Variants in CCDC12 observed in about 807,000 individuals in gnomAD.
CCDC12 encodes coiled-coil domain containing 12, also known as coiled-coil domain-containing protein 12.
CCDC12 carries 28 observed loss-of-function variants against 25.7 expected under a neutral mutation model. The observed-to-expected ratio is 1.09, with a 90% CI of 0.81 to 1.50. The LOEUF is 1.50. CCDC12 is among the 40% of genes most tolerant of loss of function. CCDC12 has a pLI of 0.00. For missense variants in CCDC12, 198 were observed against 210.0 expected, an observed-to-expected ratio of 0.94 and a Z score of 0.35; for synonymous variants, 75 against 87.7, an observed-to-expected ratio of 0.86 and a Z score of 0.81.
intron 2 of CCDC12, among the ~76,000 whole-genome samples, chr3:46,937,380 C>T (rs1422141574): frequency 2.0e-5 from 3 of 152,346 alleles, no homozygotes; most frequent in Middle Eastern, 3.4e-3. Context: ...CCTGAGTGGG[C>T]ACCACACTCC....
chr3:46,975,833 T>A (rs1332451023), intron 1 of CCDC12, among the ~76,000 whole-genome samples: 2 of 143,446 alleles, frequency 1.4e-5, no homozygotes, highest in Admixed American at 7.1e-5. Context: ...CTAAATCTTT[T>A]ATTTTCGATT....
intron 1 of CCDC12, among the ~76,000 whole-genome samples, chr3:46,967,902 T>G (rs542712745): frequency 6.6e-6 from 1 of 152,270 alleles, no homozygotes; most frequent in African/African-American, 2.4e-5. Context: ...TGGGGAACTT[T>G]AAGAATGCAT....
At chr3:46,923,961 C>G (rs905899883) in intron 3 of CCDC12, 19 of 332,630 alleles carry the variant, frequency 5.7e-5, no homozygotes, top group African/African-American at 3.8e-4. Context: ...GACCAGAGAG[C>G]TGCCTGGATA....
At chr3:46,940,820 C>G in intron 2 of CCDC12, 178 bp downstream of exon 2, 1 of 633,986 alleles carries the variant, frequency 1.6e-6, no homozygotes, top group South Asian at 2.1e-5. Context: ...GCAGAGAAGG[C>G]CTCGACAAGG....
chr3:46,931,874 C>A (rs1218025912), intron 2 of CCDC12, among the ~76,000 whole-genome samples: 2 of 152,194 alleles, frequency 1.3e-5, no homozygotes, highest in African/African-American at 4.8e-5. Context: ...TTTTAATATT[C>A]AGAGTACAGA....
chr3:46,956,508 T>C (rs1162079180), intron 1 of CCDC12, among the ~76,000 whole-genome samples: 2 of 152,088 alleles, frequency 1.3e-5, no homozygotes, highest in African/African-American at 2.4e-5. Context: ...GCAGGCAGGA[T>C]AGGAAGAAAC....
At chr3:46,927,975 G>C (rs1357550663) in intron 2 of CCDC12, among the ~76,000 whole-genome samples, 1 of 152,174 alleles carries the variant, frequency 6.6e-6, no homozygotes, top group Non-Finnish European at 1.5e-5. Context: ...TTGGGGACCT[G>C]GCCTTTCCAA....
upstream of CCDC12, among the ~76,000 whole-genome samples, chr3:46,978,391 G>C (rs1337289267): frequency 5.3e-5 from 8 of 152,134 alleles, no homozygotes; most frequent in Admixed American, 5.2e-4. Context: ...GGCCAACCAA[G>C]GTCTAGGAGT....
chr3:46,923,635 G>A lies in CCDC12; in HGVS notation c.278C>T (p.Ala93Val). ...EEKVKEQLEAAKPEPVIEEVD... is the reference protein window; with the variant it reads ...EEKVKEQLEAVKPEPVIEEVD... Reference sequence around the variant, plus strand: ...CTCCTCGATGACGGGCTCGGGCTTGGCGGCCTCCAGCTGCTCCTTCACCTT... The same window carrying A: ...CTCCTCGATGACGGGCTCGGGCTTGACGGCCTCCAGCTGCTCCTTCACCTT... The change falls in exon 4 of 7, where the codon GCC becomes GTC. Residue 93 changes from alanine (A) to valine (V), a missense_variant. Transcript: ENST00000683445. 6.3e-7 allele frequency: 1 copy of A among 1,583,696 alleles called. No homozygotes were observed. Among genetic ancestry groups the A allele is most frequent in the Non-Finnish European group, 8.6e-7 (1 of 1,164,166 alleles).
At chr3:46,956,126 G>A (rs1294745470) in intron 1 of CCDC12, among the ~76,000 whole-genome samples, 3 of 152,222 alleles carry the variant, frequency 2.0e-5, no homozygotes, top group Non-Finnish European at 4.4e-5. Context: ...CTGCCTAACA[G>A]CCAGAGAAGT....
intron 1 of CCDC12, among the ~76,000 whole-genome samples, chr3:46,955,191 G>A (rs1479720488): frequency 7.2e-6 from 1 of 139,090 alleles, no homozygotes; most frequent in Non-Finnish European, 1.6e-5. Flanking sequence ...TAAACTCTTG[G>A]ACTTGTCCTC....
chr3:46,923,450 A>AC lies in CCDC12; in HGVS notation c.307-88_307-87insG, dbSNP rs776904023. 2.5e-4 allele frequency: 383 copies of AC among 1,536,372 alleles called. 1 individual carries two copies. Among genetic ancestry groups the AC allele is most frequent in the Non-Finnish European group, 2.9e-4 (329 of 1,123,972 alleles). On this transcript the variant is annotated intron_variant, in intron 4 of 6. Coordinates refer to ENST00000683445, the MANE Select transcript of CCDC12 (RefSeq NM_001277074.2). Reference sequence around the variant, plus strand: ...GGCTCGAGAAGGAGGGAAATGGGAGAAAGAGGAGGAGGAAGGAGAGGGACG... The same window carrying AC: ...GGCTCGAGAAGGAGGGAAATGGGAGACAAGAGGAGGAGGAAGGAGAGGGACG...
chr3:46,978,808 C>G (rs2035103116), upstream of CCDC12, among the ~76,000 whole-genome samples: 2 of 152,042 alleles, frequency 1.3e-5, no homozygotes, highest in Admixed American at 6.6e-5. Context: ...ACGGTGGAAC[C>G]CCGTCTCTAC....
intron 1 of CCDC12, among the ~76,000 whole-genome samples, chr3:46,954,615 T>C (rs2034230434): frequency 6.6e-6 from 1 of 152,212 alleles, no homozygotes; most frequent in African/African-American, 2.4e-5. Context: ...GAATAAGAGC[T>C]ACCATTTATT....
chr3:46,943,500 C>T (rs540462644), intron 1 of CCDC12, among the ~76,000 whole-genome samples: 1 of 152,214 alleles, frequency 6.6e-6, no homozygotes, highest in Admixed American at 6.5e-5. Flanking sequence ...GCCACAAAGA[C>T]GACTCCTTTC....
chr3:46,960,553 A>C (rs1316315068), intron 1 of CCDC12, among the ~76,000 whole-genome samples: 3 of 152,232 alleles, frequency 2.0e-5, no homozygotes, highest in Non-Finnish European at 4.4e-5. Context: ...AGCTCTTTAG[A>C]GCCCTGAATC....
At chr3:46,965,530 C>T (rs540331630) in intron 1 of CCDC12, among the ~76,000 whole-genome samples, 16 of 152,222 alleles carry the variant, frequency 1.1e-4, no homozygotes, top group African/African-American at 1.9e-4. Context: ...GCTCACCCTT[C>T]GCCCAGGCCA....
Position 46,934,082 on chromosome 3 carries a change from G to C in CCDC12, c.164+6916C>G, listed in dbSNP as rs1475033808. Among the ~76,000 whole-genome samples, 3 of 152,172 alleles carry C rather than the reference G, an allele frequency of 2.0e-5. No individual in the cohort carries two copies. In the East Asian group the frequency reaches 5.8e-4, roughly 29 times the overall value. ...TTACAGGCGTGAGCCACAGCACCCG[G>C]TTGTAAATATCAATTTAAATTTTAA... On this transcript the variant is annotated intron_variant, in intron 2 of 6. Transcript: ENST00000683445.
At chr3:46,973,353 C>CA (rs71098438) in intron 1 of CCDC12, among the ~76,000 whole-genome samples, 52,026 of 103,658 alleles carry the variant, frequency 0.5, 13,478 homozygotes, top group Non-Finnish European at 0.57. Flanking sequence ...AGCTCCATCT[C>CA]AAAAAAAAAA....
Sources: allele counts gnomAD v4.1 joint callset (sites outside exome capture counted in the v4.1 genomes callset), GRCh38; gene constraint gnomAD v4.1.1; transcripts MANE v1.5; gene names NCBI Gene and HGNC (gene_info 2026-07-23, HGNC 2026-07-21).